The following FAT1 variants were observed in gnomAD, a reference collection of about 807,000 sequenced individuals.
FAT1 encodes the protein FAT atypical cadherin 1, also known as protocadherin Fat 1.
A neutral mutation model predicts 329.8 loss-of-function variants in FAT1; 171 were observed. The observed-to-expected ratio is 0.52, with a 90% CI of 0.46 to 0.59. The LOEUF is 0.59. Among genes scored for constraint, FAT1 ranks in the 20% least tolerant of loss-of-function variants. The pLI is 0.00. For synonymous variants in FAT1, 2,233 were observed against 2,228.6 expected, an observed-to-expected ratio of 1.00 and a Z score of -0.06; for missense variants, 5,672 against 5,774.4, an observed-to-expected ratio of 0.98 and a Z score of 0.57.
intron 2 of FAT1, among the ~76,000 whole-genome samples, chr4:186,685,630 C>A (rs1334685571): frequency 1.3e-5 from 2 of 152,190 alleles, no homozygotes; most frequent in Non-Finnish European, 2.9e-5. Context: ...TATTTTCAAC[C>A]TGCATAATGC....
intron 2 of FAT1, among the ~76,000 whole-genome samples, chr4:186,687,086 G>A (rs60493511): frequency 0.054 from 8,240 of 152,106 alleles, 248 homozygotes; most frequent in South Asian, 0.097. Flanking sequence ...TTAATGTGAA[G>A]AAATAAGCCT....
Position 186,706,670 on chromosome 4 carries a change from A to T in FAT1, c.3158T>A (p.Val1053Glu). The T allele has an allele frequency of 6.2e-7, 1 of 1,614,016 alleles. No homozygotes were observed. Among genetic ancestry groups the T allele is most frequent in the African/African-American group, 1.3e-5 (1 of 75,034 alleles). Residue 1053 changes from valine (V) to glutamate (E), a missense_variant, in exon 2 of 27, where the codon GTA (valine) becomes GAA (glutamate). Physicochemically the swap from Val to Glu is moderately radical, Grantham distance 121. Around this residue, in one of 2 missense-constraint regions of FAT1, gnomAD observed 3,966 missense variants for 3,915.2 expected, o/e 1.01. Transcript: ENST00000441802. ...VKEDAPVGSL[V>E]MTVSAHDEDA... ...CTCATCATGAGCCGACACCGTCATTACCAATGAACCAACAGGTGCATCTTC... is the reference window on the plus strand; with the variant it reads ...CTCATCATGAGCCGACACCGTCATTTCCAATGAACCAACAGGTGCATCTTC...
intron 2 of FAT1, among the ~76,000 whole-genome samples, chr4:186,702,896 A>G (rs937533267): frequency 6.6e-6 from 1 of 152,216 alleles, no homozygotes; most frequent in Non-Finnish European, 1.5e-5. Flanking sequence ...CACATGCTTC[A>G]AAGATCTTTA....
intron 2 of FAT1, among the ~76,000 whole-genome samples, chr4:186,664,420 C>G (rs1307223220): frequency 6.6e-6 from 1 of 152,170 alleles, no homozygotes; most frequent in African/African-American, 2.4e-5. Context: ...AGCACAATAA[C>G]GTATTAAATA....
intron 3 of FAT1, among the ~76,000 whole-genome samples, chr4:186,661,273 C>T (rs561188968): frequency 6.6e-6 from 1 of 152,308 alleles, no homozygotes; most frequent in Non-Finnish European, 1.5e-5. Flanking sequence ...CTTTCACCTG[C>T]CAAGGCAGGA....
At position 186,614,206 on chromosome 4, in the gene FAT1, G is replaced by A. The variant is rs1739596487; in HGVS notation, c.9214C>T (p.Leu3072=). The change falls in exon 12 of 27, where the codon CTA becomes TTA. Residue 3072 remains leucine, a synonymous_variant. Transcript: ENST00000441802. ...CCATCATTACCTGTGTCTGGATTTA[G>A]TTTGAATTTTTCTGCACCTGAACCC... ...LLGSGAEKFK[L]NPDTGELKTS... The A allele has an allele frequency of 6.3e-7, 1 of 1,599,608 alleles. No individual in the cohort carries two copies. The highest frequency in any genetic ancestry group is 8.5e-7 in the Non-Finnish European group (1 of 1,175,630).
intron 11 of FAT1, among the ~76,000 whole-genome samples, chr4:186,616,265 A>C (rs1739705062): frequency 6.6e-6 from 1 of 152,140 alleles, no homozygotes; most frequent in African/African-American, 2.4e-5. Flanking sequence ...ATCGAGTTCA[A>C]ATCCCTTGGA....
rs542684783 is a variant in FAT1 at position 186,642,153 on chromosome 4, A to T, written c.3581-2370T>A. Among the ~76,000 whole-genome samples the T allele has an allele frequency of 5.3e-5, 8 of 152,332 alleles. 1 individual carries two copies. The highest frequency in any genetic ancestry group is 1.2e-4 in the African/African-American group (5 of 41,572). ...GCTTTAATTTCATCCCAATGCAATG[A>T]ATGGTAATATTAGCCCCTTTCTTTC... is the stretch of plus-strand genomic sequence containing the variant. On this transcript the variant is annotated intron_variant, in intron 3 of 26. Transcript: ENST00000441802.
chr4:186,680,857 A>G (rs1225434811), intron 2 of FAT1, among the ~76,000 whole-genome samples: 3 of 152,358 alleles, frequency 2.0e-5, no homozygotes, highest in East Asian at 3.9e-4. Context: ...TTGCATTAAC[A>G]CAAATCTCAT....
In FAT1 at chr4:186,636,600, T is replaced by C; in HGVS notation, c.3957A>G (p.Glu1319=). The C allele has an allele frequency of 6.2e-7, 1 of 1,610,484 alleles. No individual in the cohort carries two copies. Among genetic ancestry groups the C allele is most frequent in the Non-Finnish European group, 8.5e-7 (1 of 1,178,204 alleles). Residue 1319 remains glutamate (E), a synonymous_variant, in exon 5 of 27, where the codon GAA becomes GAG. Coordinates refer to ENST00000441802, the MANE Select transcript of FAT1 (RefSeq NM_005245.4). ...CTTAACTCACTGAAAGAATATCATA[T>C]TCTCCAGCTGCTGAAAACCTCTTGG... ...VSSKRFSAAG[E]YDILSIKAVD... is the part of the protein sequence containing the mutation.
chr4:186,697,248 C>T (rs1744081524), intron 2 of FAT1, among the ~76,000 whole-genome samples: 3 of 152,140 alleles, frequency 2.0e-5, no homozygotes, highest in Admixed American at 6.5e-5. Flanking sequence ...TTGGACAACA[C>T]GAGTTTGAAC....
chr4:186,720,762 G>T (rs1318863342), intron 1 of FAT1, among the ~76,000 whole-genome samples: 2 of 152,252 alleles, frequency 1.3e-5, no homozygotes, highest in African/African-American at 4.8e-5. Context: ...TTGACACAGA[G>T]GAGGTCCACT....
chr4:186,609,518 A>G (rs1168805569), intron 15 of FAT1, among the ~76,000 whole-genome samples, 198 bp from the exon 16 acceptor site: 1 of 151,882 alleles, frequency 6.6e-6, no homozygotes, highest in Non-Finnish European at 1.5e-5. Flanking sequence ...CTGGGTTCAC[A>G]CCATTCACCT....
rs1296962255 is a variant in FAT1 at position 186,709,446 on chromosome 4, T to G, written c.382A>C (p.Asn128His). 6.2e-7 allele frequency: 1 copy of G among 1,613,944 alleles called. No individual in the cohort carries two copies. Among genetic ancestry groups the G allele is most frequent in the Non-Finnish European group, 8.5e-7 (1 of 1,179,892 alleles). Residue 128 changes from asparagine (N) to histidine (H), a missense_variant, in exon 2 of 27, where the codon AAT becomes CAT. By Grantham distance (68) the Asn-to-His change is moderately conservative (BLOSUM62 1). Around this residue, in one of 2 missense-constraint regions of FAT1, gnomAD observed 3,966 missense variants for 3,915.2 expected, o/e 1.01. Transcript: ENST00000441802. ...LIVKALEKNT[N>H]VEARTKVRVQ... Reference sequence around the variant, plus strand: ...CTGACCTTTGTTCGCGCCTCCACATTAGTATTTTTTTCAAGTGCTTTCACT... The same window carrying G: ...CTGACCTTTGTTCGCGCCTCCACATGAGTATTTTTTTCAAGTGCTTTCACT...
At chr4:186,679,601 TG>T (rs1344748327) in intron 2 of FAT1, among the ~76,000 whole-genome samples, 1 of 142,062 alleles carries the variant, frequency 7.0e-6, no homozygotes, top group African/African-American at 2.8e-5. Flanking sequence ...AAATTCAACA[TG>T]GGAAAAAAAA....
chr4:186,661,204 T>C (rs768855448), intron 3 of FAT1, among the ~76,000 whole-genome samples: 18 of 152,170 alleles, frequency 1.2e-4, no homozygotes, highest in Non-Finnish European at 2.4e-4. Flanking sequence ...TTGGTTATAA[T>C]GTTGTGGCAC....
rs369868128 is a variant in FAT1, at chr4:186,618,165, C to A, written c.8421G>T (p.Pro2807=). ...CCTCATATGGACTAGATTCAAAGACCGGGCTGTTGTCATTTGCATCTTTCA... is the reference window on the plus strand; with the variant it reads ...CCTCATATGGACTAGATTCAAAGACAGGGCTGTTGTCATTTGCATCTTTCA... The part of the protein sequence containing the change: ...IQVKDANDNS[P]VFESSPYEAF... Residue 2807 remains proline, a synonymous_variant, in exon 10 of 27, where the codon CCG becomes CCT. Transcript: ENST00000441802. 6 of 1,614,002 alleles carry A rather than the reference C, an allele frequency of 3.7e-6. No homozygotes were observed. The highest frequency in any genetic ancestry group is 5.1e-6 in the Non-Finnish European group (6 of 1,179,898).
In FAT1 at chr4:186,686,099, T is replaced by A. The variant is rs1199291788; in HGVS notation, c.3265+20464A>T. ...CTGTTCCATTAAAACAGACAACTACTGTCTGGTTTAGAAAAATAATGGATT... is the reference window on the plus strand; with the variant it reads ...CTGTTCCATTAAAACAGACAACTACAGTCTGGTTTAGAAAAATAATGGATT... On this transcript the variant is annotated intron_variant, in intron 2 of 26. Coordinates refer to ENST00000441802, the MANE Select transcript of FAT1 (RefSeq NM_005245.4). Among the ~76,000 whole-genome samples the A allele has an allele frequency of 2.0e-5, 3 of 152,176 alleles. No individual in the cohort carries two copies. In the South Asian group the frequency reaches 6.2e-4, roughly 31 times the overall value.
rs538821648 is a variant in FAT1 at position 186,643,693 on chromosome 4, G to A, written c.3581-3910C>T. Among the ~76,000 whole-genome samples, 15 of 152,036 alleles carry A rather than the reference G, an allele frequency of 9.9e-5. No homozygotes were observed. In the East Asian group the frequency reaches 1.4e-3, roughly 14 times the overall value. On this transcript the variant is annotated intron_variant, in intron 3 of 26. Transcript: ENST00000441802. ...CCTAACACCCCGGGGAACGCTACCC[G>A]AACCCCCTGCACTCTGGCCATACAA...
Sources: allele counts gnomAD v4.1 joint callset (sites outside exome capture counted in the v4.1 genomes callset), GRCh38; gene constraint gnomAD v4.1.1; regional missense constraint gnomAD v4.1.1; transcripts MANE v1.5; gene names NCBI Gene and HGNC (gene_info 2026-07-23, HGNC 2026-07-21).